Variants in RNF212 observed in about 807,000 individuals in gnomAD.
RNF212 encodes ring finger protein 212.
Under a neutral mutation model 34.7 loss-of-function variants are expected in RNF212, and 33 were observed. The ratio of observed to expected loss-of-function variants is 0.95; its 90% CI spans 0.72 to 1.27. The LOEUF (loss-of-function observed/expected upper bound fraction) is 1.27, where lower values mean the gene tolerates loss of function less well. Among genes scored for constraint, RNF212 ranks in the 50% most tolerant of loss-of-function variants. RNF212 has a pLI of 0.00. For synonymous variants in RNF212, 140 were observed against 136.1 expected (o/e 1.03, Z -0.20); for missense variants, 377 against 362.2 (o/e 1.04, Z -0.33).
chr4:1,059,028 G>C (rs1015745396), intron 3 of RNF212, among the ~76,000 whole-genome samples: 14 of 152,360 alleles, frequency 9.2e-5, no homozygotes, highest in African/African-American at 3.1e-4. Flanking sequence ...TGACGACTGA[G>C]TTCTCAAGCA....
rs778931144 is a variant in RNF212 at position 1,081,436 on chromosome 4, G to A, written c.447C>T (p.His149=). ...TKPHGCLLPP[H]SSAPDRLESM... ...CCACACACCTGTCGGGGGCTGATGA[G>A]TGAGGTGGCAGCAGGCATCCGTGTG... Residue 149 remains histidine, a synonymous_variant, in exon 7 of 10, where the codon CAC becomes CAT. Coordinates refer to ENST00000433731, the MANE Select transcript of RNF212 (RefSeq NM_001131034.4). 1.2e-6 allele frequency: 2 copies of A among 1,613,774 alleles called. No individual in the cohort carries two copies. The highest frequency in any genetic ancestry group is 2.2e-5 in the South Asian group (2 of 91,086).
chr4:1,088,981 A>G (rs1206894105), intron 4 of RNF212, among the ~76,000 whole-genome samples: 2 of 152,270 alleles, frequency 1.3e-5, no homozygotes, highest in Non-Finnish European at 2.9e-5. Context: ...CAGAGCCCTC[A>G]TGGAGAACCT....
At chr4:1,093,748 C>G in intron 3 of RNF212, 1 of 1,536,272 alleles carries the variant, frequency 6.5e-7, no homozygotes, top group African/African-American at 1.4e-5. Flanking sequence ...ACTTCTGGCC[C>G]CAAGGGGACT....
chr4:1,071,699 G>A lies in RNF212; in HGVS notation c.*1175C>T, dbSNP rs1718512308. The A allele has an allele frequency of 6.6e-6, 1 of 152,222 alleles. No homozygotes were observed. The highest frequency in any genetic ancestry group is 2.1e-4 in the South Asian group (1 of 4,838). 9.4% of individuals were successfully genotyped at this position (152,222 alleles called of 1,614,324 possible). On this transcript the variant is annotated 3_prime_UTR_variant, in exon 10 of 10. Transcript: ENST00000433731. Reference sequence around the variant, plus strand: ...ATGCTCCTAGTCATATGTTATCAATGAAATGCAAAATAAAACAGCAAGATA... The same window carrying A: ...ATGCTCCTAGTCATATGTTATCAATAAAATGCAAAATAAAACAGCAAGATA...
At chr4:1,079,784 T>G in intron 7 of RNF212, 96 bp from the exon 8 acceptor site, 1 of 856,874 alleles carries the variant, frequency 1.2e-6, no homozygotes, top group Non-Finnish European at 2.0e-6. Flanking sequence ...TGTGTAAATG[T>G]CTAAATCTTC....
At chr4:1,071,294 C>T (rs1240916161), downstream of RNF212, among the ~76,000 whole-genome samples, 1 of 151,366 alleles carries the variant, frequency 6.6e-6, no homozygotes, top group East Asian at 1.9e-4. Context: ...AAATACTATT[C>T]TTACAATTTT....
chr4:1,090,540 C>T (rs1722023001), intron 4 of RNF212, among the ~76,000 whole-genome samples: 1 of 152,134 alleles, frequency 6.6e-6, no homozygotes, highest in South Asian at 2.1e-4. Flanking sequence ...TAAGTGTGGC[C>T]AGGCAGGGAG....
At chr4:1,060,507 G>A (rs965511255) in intron 3 of RNF212, among the ~76,000 whole-genome samples, 3 of 152,080 alleles carry the variant, frequency 2.0e-5, no homozygotes, top group African/African-American at 7.3e-5. Flanking sequence ...GGGTGCCAAG[G>A]GGGCGCCATG....
At chr4:1,100,398 ATTTTTTTTTTTTTTT>A (rs58088919) in intron 2 of RNF212, 3 of 84,342 alleles carry the variant, frequency 3.6e-5, no homozygotes, top group East Asian at 3.0e-4. Flanking sequence ...ATTTTCCATA[ATTTTTTTTTTTTTTT>A]TTTTTTTTTT....
chr4:1,096,949 G>T, intron 2 of RNF212, 110 bp from the exon 3 acceptor site: 1 of 820,718 alleles, frequency 1.2e-6, no homozygotes, highest in Non-Finnish European at 2.1e-6. Context: ...GACTCAAGTG[G>T]CCAGCACATT....
At chr4:1,093,394 T>C (rs146390047) in intron 3 of RNF212, 2 of 1,395,578 alleles carry the variant, frequency 1.4e-6, no homozygotes, top group African/African-American at 1.5e-5. Flanking sequence ...CCAATATTTA[T>C]GTTACGTTGA....
intron 4 of RNF212, chr4:1,056,732 C>A: frequency 1.6e-6 from 1 of 612,058 alleles, no homozygotes; most frequent in South Asian, 7.2e-5. Flanking sequence ...CTCTTGAGAA[C>A]GTTTAGAGCT....
downstream of RNF212, among the ~76,000 whole-genome samples, chr4:1,068,473 T>C (rs56849878): frequency 0.02 from 3,112 of 152,338 alleles, 110 homozygotes; most frequent in African/African-American, 0.07. Context: ...TCTTCTGCTC[T>C]ACTGTTGCTC....
At chr4:1,078,399 C>A (rs367774235) in intron 8 of RNF212, among the ~76,000 whole-genome samples, 1 of 152,090 alleles carries the variant, frequency 6.6e-6, no homozygotes, top group Non-Finnish European at 1.5e-5. Context: ...GGTGTGTGGC[C>A]GATGTGGTAC....
At chr4:1,099,085 G>A (rs1723515682) in intron 2 of RNF212, among the ~76,000 whole-genome samples, 1 of 152,170 alleles carries the variant, frequency 6.6e-6, no homozygotes, top group Non-Finnish European at 1.5e-5. Flanking sequence ...TGGCATCACA[G>A]CACAGATGCA....
intron 2 of RNF212, chr4:1,099,817 C>G (rs758462121): frequency 2.2e-5 from 10 of 456,254 alleles, no homozygotes; most frequent in South Asian, 1.4e-4. Context: ...TCCACAAGGT[C>G]CGACGGCGCA....
At chr4:1,073,247 G>A in intron 9 of RNF212, 54 bp from the exon 10 acceptor site, 1 of 1,589,974 alleles carries the variant, frequency 6.3e-7, no homozygotes, top group Non-Finnish European at 8.6e-7. Context: ...GTGGGCTGAG[G>A]TGGATGTGTG....
downstream of RNF212, among the ~76,000 whole-genome samples, chr4:1,070,993 T>G (rs989693241): frequency 6.6e-6 from 1 of 151,952 alleles, no homozygotes; most frequent in African/African-American, 2.4e-5. Flanking sequence ...CAATTTTTTC[T>G]GTGTGCTTGA....
intron 5 of RNF212, 168 bp downstream of exon 5, chr4:1,085,728 C>T (rs897984905): frequency 2.7e-5 from 17 of 629,124 alleles, no homozygotes; most frequent in African/African-American, 1.5e-4. Context: ...TTCTTCCCTT[C>T]GGTTTTCCCA....
Sources: gnomAD v4.1 joint callset for allele counts (sites outside exome capture counted in the v4.1 genomes callset) on GRCh38, gnomAD v4.1.1 for gene constraint, MANE v1.5 for transcripts, NCBI Gene and HGNC (gene_info 2026-07-23, HGNC 2026-07-21) for gene names.